The following WWOX variants were observed in gnomAD, a reference collection of about 807,000 sequenced individuals.
WWOX encodes the protein WW domain containing oxidoreductase, also known as WW domain-containing oxidoreductase.
In WWOX, 69 loss-of-function variants were observed where a neutral mutation model predicts 46.2. The ratio of observed to expected loss-of-function variants is 1.49; its 90% CI spans 1.23 to 1.82. WWOX has a LOEUF of 1.82. Among genes scored for constraint, WWOX ranks in the 40% most tolerant of loss-of-function variants. The pLI, the probability that WWOX is intolerant of heterozygous loss-of-function variation, is 0.00. For synonymous variants in WWOX, 359 were observed against 202.6 expected (o/e 1.77, Z -6.56); for missense variants, 919 against 542.6 (o/e 1.69, Z -6.89).
intron 5 of WWOX, among the ~76,000 whole-genome samples, chr16:78,323,226 C>T (rs2080528136): frequency 6.6e-6 from 1 of 152,112 alleles, no homozygotes; most frequent in South Asian, 2.1e-4. Context: ...CCTGCCTCAG[C>T]CTCCTGAGTA....
rs752607108 is a variant in WWOX at position 78,295,612 on chromosome 16, G to A, written c.517-91248G>A. ...TGTAATCTCAGCTACTCAGGAGGCT[G>A]AGATGGGAGAATCGCTTGAACCCAG... On this transcript the variant is annotated intron_variant, in intron 5 of 8. Coordinates refer to ENST00000566780, the MANE Select transcript of WWOX (RefSeq NM_016373.4). 1.4e-4 allele frequency among the ~76,000 whole-genome samples: 21 copies of A among 152,210 alleles called. 1 individual carries two copies. The highest frequency in any genetic ancestry group is 5.2e-4 in the Admixed American group (8 of 15,286).
chr16:78,829,273 G>T (rs966894314), intron 8 of WWOX, among the ~76,000 whole-genome samples: 4 of 152,054 alleles, frequency 2.6e-5, no homozygotes, highest in Non-Finnish European at 4.4e-5. Context: ...GATCCAGAAG[G>T]GCCCATGGTA....
intron 8 of WWOX, among the ~76,000 whole-genome samples, chr16:78,660,900 C>T (rs1256934046): frequency 6.6e-6 from 1 of 152,066 alleles, no homozygotes; most frequent in Non-Finnish European, 1.5e-5. Context: ...TATTTGGTAC[C>T]AGCACATGTA....
chr16:78,928,153 A>G (rs569747606), intron 8 of WWOX, among the ~76,000 whole-genome samples: 4 of 151,392 alleles, frequency 2.6e-5, no homozygotes, highest in Admixed American at 2.6e-4. Flanking sequence ...CATTAAACCC[A>G]TGAGTTTAAT....
intron 5 of WWOX, among the ~76,000 whole-genome samples, chr16:78,327,869 ATTTTTTTT>A (rs762650030): frequency 1.4e-3 from 117 of 81,094 alleles, no homozygotes; most frequent in Middle Eastern, 9.3e-3. Context: ...ATGAGTCCTG[ATTTTTTTT>A]TTTTTTTTTT....
At chr16:78,767,302 ATTTTTTTATTT>A (rs2049946463) in intron 8 of WWOX, among the ~76,000 whole-genome samples, 1 of 151,436 alleles carries the variant, frequency 6.6e-6, no homozygotes. Context: ...TTTTATTATT[ATTTTTTTATTT>A]TTAGTAGAGA....
intron 8 of WWOX, among the ~76,000 whole-genome samples, chr16:78,725,419 C>G (rs576320996): frequency 2.3e-5 from 3 of 129,502 alleles, no homozygotes; most frequent in Non-Finnish European, 4.6e-5. Flanking sequence ...GCAATCTGGG[C>G]TCCCTGCAAA....
chr16:78,301,214 A>T (rs1196349554), intron 5 of WWOX, among the ~76,000 whole-genome samples: 1 of 152,202 alleles, frequency 6.6e-6, no homozygotes, highest in Non-Finnish European at 1.5e-5. Flanking sequence ...CCATAACAAG[A>T]TTTACTGAAT....
intron 8 of WWOX, among the ~76,000 whole-genome samples, chr16:78,725,094 C>G (rs2048793323): frequency 6.6e-6 from 1 of 151,924 alleles, no homozygotes; most frequent in African/African-American, 2.4e-5. Context: ...GGGGGTGGTT[C>G]CCCCATACTG....
At chr16:78,717,367 C>A (rs1474050116) in intron 8 of WWOX, among the ~76,000 whole-genome samples, 1 of 152,124 alleles carries the variant, frequency 6.6e-6, no homozygotes, top group Non-Finnish European at 1.5e-5. Flanking sequence ...GTAATACAAT[C>A]CTGCTTAATA....
At chr16:78,908,704 G>C (rs1604953) in intron 8 of WWOX, among the ~76,000 whole-genome samples, 1 of 151,894 alleles carries the variant, frequency 6.6e-6, no homozygotes, top group East Asian at 1.9e-4. Flanking sequence ...GGTCAGGTTT[G>C]AGATGGAATC....
intron 8 of WWOX, among the ~76,000 whole-genome samples, chr16:78,939,045 G>C (rs1390029473): frequency 6.6e-6 from 1 of 152,212 alleles, no homozygotes; most frequent in Non-Finnish European, 1.5e-5. Flanking sequence ...GTTTGAAAAA[G>C]AAATGGAATT....
chr16:78,365,254 T>C (rs1277772001), intron 5 of WWOX, among the ~76,000 whole-genome samples: 1 of 152,182 alleles, frequency 6.6e-6, no homozygotes, highest in African/African-American at 2.4e-5. Flanking sequence ...ATCAGTGTGA[T>C]TGTCTCCAAC....
At chr16:78,274,724 T>A (rs1449542007) in intron 5 of WWOX, among the ~76,000 whole-genome samples, 1 of 152,172 alleles carries the variant, frequency 6.6e-6, no homozygotes, top group Non-Finnish European at 1.5e-5. Flanking sequence ...CTGCTTTCGT[T>A]TCTTGGGCGA....
At chr16:79,097,837 A>T (rs1310048655) in intron 8 of WWOX, among the ~76,000 whole-genome samples, 1 of 152,156 alleles carries the variant, frequency 6.6e-6, no homozygotes, top group African/African-American at 2.4e-5. Context: ...CGCAGTTCAG[A>T]TCTGTTGATT....
At position 78,864,671 on chromosome 16, in the gene WWOX, A is replaced by C. The variant is rs143436031; in HGVS notation, c.1057-346937A>C. ...GGGCCCAGCTCTGAGATTCCCTGTT[A>C]GCACAGGGTCTGACACATCACAGAT... On this transcript the variant is annotated intron_variant, in intron 8 of 8. Transcript: ENST00000566780. Among the ~76,000 whole-genome samples the C allele has an allele frequency of 3.6e-3, 535 of 150,122 alleles. 6 individuals carry two copies. The highest frequency in any genetic ancestry group is 0.032 in the Admixed American group (481 of 15,096).
At chr16:78,767,901 C>G (rs1209229338) in intron 8 of WWOX, among the ~76,000 whole-genome samples, 2 of 152,044 alleles carry the variant, frequency 1.3e-5, no homozygotes, top group African/African-American at 2.4e-5. Context: ...CTTTTTGGTT[C>G]TATTTTTGCT....
chr16:78,727,045 G>C (rs368595217), intron 8 of WWOX, among the ~76,000 whole-genome samples: 2 of 152,248 alleles, frequency 1.3e-5, no homozygotes, highest in African/African-American at 4.8e-5. Flanking sequence ...ATTCCAGCAC[G>C]TGGCATCGCC....
At chr16:78,210,842 A>G (rs2036537956) in intron 5 of WWOX, among the ~76,000 whole-genome samples, 1 of 152,206 alleles carries the variant, frequency 6.6e-6, no homozygotes. Context: ...TGTTATCTAC[A>G]TTCTCTAAGG....
Sources: allele counts gnomAD v4.1 joint callset (sites outside exome capture counted in the v4.1 genomes callset), GRCh38; gene constraint gnomAD v4.1.1; transcripts MANE v1.5; gene names NCBI Gene and HGNC (gene_info 2026-07-23, HGNC 2026-07-21).